Variants in PCDHA8 observed in about 807,000 individuals in gnomAD.
PCDHA8 encodes the protein protocadherin alpha-8.
PCDHA8 carries 53 observed loss-of-function variants against 61.8 expected under a neutral mutation model. The ratio of observed to expected loss-of-function variants is 0.86; its 90% CI spans 0.69 to 1.08. The LOEUF is 1.08. PCDHA8 is among the 50% of genes least tolerant of loss of function. The pLI, the probability that PCDHA8 is intolerant of heterozygous loss-of-function variation, is 0.00. For synonymous variants in PCDHA8, 618 were observed against 556.6 expected (o/e 1.11, Z -1.55); for missense variants, 1,293 against 1,245.0 (o/e 1.04, Z -0.58).
chr5:140,995,949 G>T (rs781875497), intron 3 of PCDHA8, among the ~76,000 whole-genome samples: 1 of 152,160 alleles, frequency 6.6e-6, no homozygotes, highest in African/African-American at 2.4e-5. Context: ...CATAATGCAC[G>T]CAAAATGCTT....
chr5:140,862,968 G>A (rs1554157319), intron 1 of PCDHA8: 1 of 544,810 alleles, frequency 1.8e-6, no homozygotes, highest in Non-Finnish European at 3.6e-6. Flanking sequence ...GTGGATGCAG[G>A]CCACTTGGTG....
Position 140,881,345 on chromosome 5 carries a change from T to A in PCDHA8, c.2394+37630T>A, listed in dbSNP as rs2058675594. The A allele has an allele frequency of 4.1e-6, 4 of 985,136 alleles. No individual in the cohort carries two copies. In the African/African-American group the frequency reaches 7.0e-5, roughly 17 times the overall value. The allele number at this position is 985,136 out of a possible 1,614,324, so 61.0% of individuals were successfully genotyped here. A position where few individuals can be genotyped will look rare whatever the true frequency, so the allele number is the denominator to read the frequency against. On this transcript the variant is annotated intron_variant, in intron 1 of 3. Transcript: ENST00000531613. ...ATTTAACCAGGACGCCGATTCGGGC[T>A]ACAATGCGTGGCTTTCGTATGAATT... is the stretch of plus-strand genomic sequence containing the variant.
At chr5:140,969,556 C>A in intron 1 of PCDHA8, 1 of 1,210,690 alleles carries the variant, frequency 8.3e-7, no homozygotes, top group Non-Finnish European at 1.1e-6. Flanking sequence ...AAGCCTTGTC[C>A]ATAAAATTGT....
chr5:140,989,745 C>A (rs1554251059), intron 3 of PCDHA8, among the ~76,000 whole-genome samples: 2 of 152,154 alleles, frequency 1.3e-5, no homozygotes, highest in African/African-American at 4.8e-5. Context: ...ATTGCCTAAT[C>A]TGGAGAAACA....
intron 1 of PCDHA8, chr5:140,849,556 C>T: frequency 6.3e-7 from 1 of 1,598,518 alleles, no homozygotes; most frequent in Non-Finnish European, 8.6e-7. Context: ...ACTATCAAAA[C>T]GCTCTCGGTT....
chr5:140,985,739 CTTTTT>C (rs11372071), intron 3 of PCDHA8, among the ~76,000 whole-genome samples: 1 of 117,916 alleles, frequency 8.5e-6, no homozygotes, highest in Non-Finnish European at 1.7e-5. Context: ...TGATGAATTC[CTTTTT>C]TTTTTTTTTT....
At chr5:140,966,794 G>T in intron 1 of PCDHA8, 1 of 1,533,558 alleles carries the variant, frequency 6.5e-7, no homozygotes. Context: ...CAGACCTGCG[G>T]CGACAGAGCA....
chr5:140,982,265 G>A lies in PCDHA8; in HGVS notation c.2454-210G>A, dbSNP rs2096974278. ...ATAAAGATAGAACATGTGTGTTCCT[G>A]GAATAGTATAGCAGGCAATAAGTAA... On this transcript the variant is annotated intron_variant, in intron 2 of 3. Transcript: ENST00000531613. 7 of 870,768 alleles carry A rather than the reference G, an allele frequency of 8.0e-6. No individual in the cohort carries two copies. In the Admixed American group the frequency reaches 1.6e-4, roughly 20 times the overall value. 53.9% of individuals were successfully genotyped at this position (870,768 alleles called of 1,614,324 possible).
At chr5:140,876,607 T>A in intron 1 of PCDHA8, 1 of 1,614,186 alleles carries the variant, frequency 6.2e-7, no homozygotes, top group Non-Finnish European at 8.5e-7. Context: ...GGATCGTGAC[T>A]CTGGAGCCAA....
At chr5:140,958,199 A>G (rs2095413345) in intron 1 of PCDHA8, among the ~76,000 whole-genome samples, 1 of 152,140 alleles carries the variant, frequency 6.6e-6, no homozygotes, top group Non-Finnish European at 1.5e-5. Context: ...GGTCTAGTAT[A>G]CAAGGGAATT....
Position 141,010,239 on chromosome 5 carries a change from G to A in PCDHA8, c.*302G>A. ...AGGCTTCCCAGCCCCGCCAGTGAGA[G>A]GTTGGACTCTCTGCCCTGTGCTCCG... On this transcript the variant is annotated 3_prime_UTR_variant, in exon 4 of 4. Transcript: ENST00000531613. 1 of 1,551,938 alleles carries A rather than the reference G, an allele frequency of 6.4e-7. No homozygotes were observed. Among genetic ancestry groups the A allele is most frequent in the Non-Finnish European group, 8.7e-7 (1 of 1,147,044 alleles).
At chr5:140,973,753 G>A (rs935956688) in intron 1 of PCDHA8, among the ~76,000 whole-genome samples, 1 of 152,244 alleles carries the variant, frequency 6.6e-6, no homozygotes, top group Non-Finnish European at 1.5e-5. Flanking sequence ...ACACTCTGCA[G>A]GGACACAGCC....
chr5:140,988,097 C>T (rs2097282934), intron 3 of PCDHA8, among the ~76,000 whole-genome samples: 1 of 152,084 alleles, frequency 6.6e-6, no homozygotes, highest in Admixed American at 6.5e-5. Flanking sequence ...AGCCTCGGGC[C>T]TTGTTGGAGA....
chr5:140,868,571 A>G (rs1326549440), intron 1 of PCDHA8: 1 of 152,948 alleles, frequency 6.5e-6, no homozygotes, highest in Non-Finnish European at 1.5e-5. Context: ...GAGGAACAAC[A>G]CTTTCAGGAA....
rs1588262423 is a variant in PCDHA8 at position 141,011,885 on chromosome 5, T to C, written c.*1948T>C. 1 of 153,482 alleles carries C rather than the reference T, an allele frequency of 6.5e-6. No homozygotes were observed. The highest frequency in any genetic ancestry group is 1.9e-4 in the East Asian group (1 of 5,202). 9.5% of individuals were successfully genotyped at this position (153,482 alleles called of 1,614,324 possible). ...ATAATGTACAATTTAGAAGTTTGATTAATTATATTATCTATTTAGGCATTA... is the reference window on the plus strand; with the variant it reads ...ATAATGTACAATTTAGAAGTTTGATCAATTATATTATCTATTTAGGCATTA... On this transcript the variant is annotated 3_prime_UTR_variant, in exon 4 of 4. Transcript: ENST00000531613.
At chr5:140,966,360 A>T (rs1169207709) in intron 1 of PCDHA8, 1 of 400,440 alleles carries the variant, frequency 2.5e-6, no homozygotes, top group Non-Finnish European at 4.4e-6. Flanking sequence ...ATGGGGCTGG[A>T]GAGGCTGAGC....
intron 3 of PCDHA8, among the ~76,000 whole-genome samples, chr5:141,008,360 G>C (rs569459357): frequency 6.6e-6 from 1 of 152,220 alleles, no homozygotes; most frequent in South Asian, 2.1e-4. Flanking sequence ...TCAACCAAAG[G>C]AGCAGTGTTA....
chr5:140,903,301 A>G (rs575233990), intron 1 of PCDHA8, among the ~76,000 whole-genome samples: 1 of 152,302 alleles, frequency 6.6e-6, no homozygotes, highest in East Asian at 1.9e-4. Context: ...GAAATTTAGT[A>G]TACAATAAAG....
rs781784518 is a variant in PCDHA8, at chr5:140,857,448, A to G, written c.2394+13733A>G. The G allele has an allele frequency of 6.3e-7, 1 of 1,597,896 alleles. No homozygotes were observed. Among genetic ancestry groups the G allele is most frequent in the Non-Finnish European group, 8.6e-7 (1 of 1,167,724 alleles). ...TACACGGTGTTCGTGAAGGAGAACA[A>G]CCCGCCAGGCTGCCACATCTTCACG... On this transcript the variant is annotated intron_variant, in intron 1 of 3. Coordinates refer to ENST00000531613, the MANE Select transcript of PCDHA8 (RefSeq NM_018911.3).
Sources: gnomAD v4.1 joint callset for allele counts (sites outside exome capture counted in the v4.1 genomes callset) on GRCh38, gnomAD v4.1.1 for gene constraint, MANE v1.5 for transcripts, NCBI Gene and HGNC (gene_info 2026-07-23, HGNC 2026-07-21) for gene names.